Variants in SASH1 observed in about 807,000 individuals in gnomAD.
The protein encoded by SASH1 is SAM and SH3 domain-containing protein 1.
Under a neutral mutation model 125.2 loss-of-function variants are expected in SASH1, and 44 were observed. The ratio of observed to expected loss-of-function variants is 0.35; its 90% confidence interval spans 0.28 to 0.45. The LOEUF is 0.45. Among genes scored for constraint, SASH1 ranks in the 20% least tolerant of loss-of-function variants. SASH1 has a pLI of 1.00. For missense variants in SASH1, 1,426 were observed against 1,614.5 expected, an observed-to-expected ratio of 0.88 and a Z score of 2.00; for synonymous variants, 639 against 649.1, an observed-to-expected ratio of 0.98 and a Z score of 0.24.
intron 16 of SASH1, among the ~76,000 whole-genome samples, chr6:148,535,517 G>A (rs1207502021): frequency 3.9e-5 from 6 of 152,208 alleles, no homozygotes; most frequent in Non-Finnish European, 7.3e-5. Flanking sequence ...TTCGTTAAAG[G>A]AGGAGACGTC....
At chr6:148,208,807 A>G in the SASH1 span, among the ~76,000 whole-genome samples, 1 of 152,112 alleles carries the variant, frequency 6.6e-6, no homozygotes, top group Non-Finnish European at 1.5e-5. Flanking sequence ...CCAAACAACT[A>G]CTCTTTCAAC....
At chr6:148,268,601 T>G (rs1778993723), upstream of SASH1, among the ~76,000 whole-genome samples, 1 of 152,268 alleles carries the variant, frequency 6.6e-6, no homozygotes, top group South Asian at 2.1e-4. Context: ...ATTCTCATGT[T>G]GTCATTGAAA....
intron 2 of SASH1, among the ~76,000 whole-genome samples, chr6:148,428,488 G>C (rs182046288): frequency 6.6e-6 from 1 of 152,222 alleles, no homozygotes; most frequent in Non-Finnish European, 1.5e-5. Flanking sequence ...AATTAGCTAG[G>C]TGTGGTGGTA....
intron 2 of SASH1, among the ~76,000 whole-genome samples, chr6:148,396,155 T>C (rs1180182681): frequency 6.8e-6 from 1 of 147,360 alleles, no homozygotes; most frequent in Non-Finnish European, 1.5e-5. Context: ...AATAAAAATA[T>C]TGCATATTAT....
intron 1 of SASH1, among the ~76,000 whole-genome samples, chr6:148,364,062 A>G (rs1782353695): frequency 6.6e-6 from 1 of 152,154 alleles, no homozygotes; most frequent in African/African-American, 2.4e-5. Context: ...GGAGAGTTAG[A>G]AAAATAAAAT....
chr6:148,484,002 G>C (rs1778734544), intron 7 of SASH1, among the ~76,000 whole-genome samples: 1 of 152,224 alleles, frequency 6.6e-6, no homozygotes. Flanking sequence ...TCAAGTGCCT[G>C]AGGGTTGTTA....
intron 8 of SASH1, among the ~76,000 whole-genome samples, chr6:148,511,425 G>A (rs1184088753): frequency 2.0e-5 from 3 of 150,864 alleles, no homozygotes; most frequent in East Asian, 1.9e-4. Context: ...AAATTGTGCC[G>A]CATCTATCTT....
chr6:148,511,324 T>TACACACAC (rs58822082), intron 8 of SASH1, among the ~76,000 whole-genome samples: 785 of 135,446 alleles, frequency 5.8e-3, no homozygotes, highest in Middle Eastern at 0.011. Flanking sequence ...AATTTTCTAT[T>TACACACAC]ACACACACAC....
chr6:148,440,615 A>C, intron 4 of SASH1: 1 of 576,248 alleles, frequency 1.7e-6, no homozygotes, highest in South Asian at 2.2e-5. Flanking sequence ...GGATTTTGTG[A>C]AGAGTTACTG....
intron 4 of SASH1, among the ~76,000 whole-genome samples, chr6:148,459,176 C>G (rs1777502025): frequency 6.6e-6 from 1 of 152,120 alleles, no homozygotes; most frequent in South Asian, 2.1e-4. Flanking sequence ...GCAATTTTAT[C>G]TCAACTTCTT....
At chr6:148,250,211 C>T in the SASH1 span, among the ~76,000 whole-genome samples, 1 of 152,148 alleles carries the variant, frequency 6.6e-6, no homozygotes, top group Admixed American at 6.5e-5. Flanking sequence ...AGAATCATCT[C>T]AAGAAACCAA....
At chr6:148,407,798 A>G (rs548667874) in intron 2 of SASH1, among the ~76,000 whole-genome samples, 29 of 152,070 alleles carry the variant, frequency 1.9e-4, no homozygotes, top group Middle Eastern at 3.4e-3. Flanking sequence ...ACACCTGGCT[A>G]ATTTTTGTAT....
chr6:148,202,281 G>A, the SASH1 span, among the ~76,000 whole-genome samples: 2 of 152,166 alleles, frequency 1.3e-5, no homozygotes, highest in African/African-American at 4.8e-5. Flanking sequence ...CTCTAACATT[G>A]CCTGCAAGGA....
In SASH1 at chr6:148,548,420, C is replaced by T. The variant is rs1020266752; in HGVS notation, c.3606C>T (p.Gly1202=). The change falls in exon 20 of 20, where the codon GGC becomes GGT. Residue 1202 remains glycine, a synonymous_variant. Coordinates refer to ENST00000367467, the MANE Select transcript of SASH1 (RefSeq NM_015278.5). ...PMYAGTLSTA[G]FSTLSQVPSL... ...ACGCCGGCACCCTCTCCACCGCGGGCTTCAGCACACTGAGCCAAGTGCCTT... is the reference window on the plus strand; with the variant it reads ...ACGCCGGCACCCTCTCCACCGCGGGTTTCAGCACACTGAGCCAAGTGCCTT... The T allele has an allele frequency of 3.7e-6, 6 of 1,614,126 alleles. No individual in the cohort carries two copies. In the Admixed American group the frequency reaches 6.7e-5, roughly 18 times the overall value.
At chr6:148,311,697 G>A (rs1234634812) in intron 1 of SASH1, among the ~76,000 whole-genome samples, 3 of 152,068 alleles carry the variant, frequency 2.0e-5, no homozygotes, top group East Asian at 1.9e-4. Context: ...GCAGCTACTC[G>A]GGAGGCTGAG....
At chr6:148,383,419 C>T (rs775232537) in intron 1 of SASH1, among the ~76,000 whole-genome samples, 2 of 151,962 alleles carry the variant, frequency 1.3e-5, no homozygotes, top group Non-Finnish European at 2.9e-5. Context: ...AATATATGTA[C>T]TTATTATTAA....
At chr6:148,364,278 G>A (rs1293167392) in intron 1 of SASH1, among the ~76,000 whole-genome samples, 1 of 152,078 alleles carries the variant, frequency 6.6e-6, no homozygotes, top group Non-Finnish European at 1.5e-5. Flanking sequence ...CGTTGAGATC[G>A]AGAAGGAAGA....
chr6:148,451,430 AG>A (rs1354894894), intron 4 of SASH1, among the ~76,000 whole-genome samples: 1 of 152,212 alleles, frequency 6.6e-6, no homozygotes, highest in African/African-American at 2.4e-5. Flanking sequence ...TCTTTTTCTA[AG>A]GGTTGCCCCC....
At chr6:148,256,910 G>A in the SASH1 span, among the ~76,000 whole-genome samples, 1 of 152,144 alleles carries the variant, frequency 6.6e-6, no homozygotes, top group East Asian at 1.9e-4. Context: ...GATTAGATCT[G>A]GGTTGATGAG....
Sources: allele counts gnomAD v4.1 joint callset (sites outside exome capture counted in the v4.1 genomes callset), GRCh38; gene constraint gnomAD v4.1.1; transcripts MANE v1.5; gene names NCBI Gene and HGNC (gene_info 2026-07-23, HGNC 2026-07-21).